Variants in IRGC observed in about 807,000 individuals in gnomAD.
IRGC encodes immunity related GTPase cinema.
Under a neutral mutation model 16.1 loss-of-function variants are expected in IRGC, and 4 were observed. The ratio of observed to expected loss-of-function variants is 0.25; its 90% CI spans 0.12 to 0.57. The LOEUF is 0.57. Among genes scored for constraint, IRGC ranks in the 20% least tolerant of loss-of-function variants. The probability of loss-of-function intolerance (pLI) is 0.92; values close to 1 mark genes in which losing one functional copy is unlikely to be tolerated. For missense variants in IRGC, 570 were observed against 643.9 expected (o/e 0.89, Z 1.24); for synonymous variants, 307 against 299.5 (o/e 1.03, Z -0.26).
Position 43,718,971 on chromosome 19 carries a change from T to C in IRGC, c.413T>C (p.Leu138Pro). The change falls in exon 2 of 2, where the codon CTG becomes CCG. Residue 138 changes from leucine to proline, a missense_variant. Physicochemically the swap from Leu to Pro is moderately conservative, Grantham distance 98 (BLOSUM62 -3). Transcript: ENST00000244314. ...QVDFSRYDFF[L>P]LVSPRRCGAV... ...GACTTCAGCCGCTATGACTTCTTCC[T>C]GCTGGTCTCCCCCCGCCGCTGCGGG... 1 of 1,610,268 alleles carries C rather than the reference T, an allele frequency of 6.2e-7. No individual in the cohort carries two copies. The highest frequency in any genetic ancestry group is 1.1e-5 in the South Asian group (1 of 90,806).
Position 43,719,208 on chromosome 19 carries a change from A to T in IRGC, c.650A>T (p.Asn217Ile). 1 of 1,608,268 alleles carries T rather than the reference A, an allele frequency of 6.2e-7. No individual in the cohort carries two copies. Among genetic ancestry groups the T allele is most frequent in the Non-Finnish European group, 8.5e-7 (1 of 1,179,562 alleles). The change falls in exon 2 of 2, where the codon AAC becomes ATC. Residue 217 changes from asparagine (N) to isoleucine (I), a missense_variant. Coordinates refer to ENST00000244314, the MANE Select transcript of IRGC (RefSeq NM_019612.4). ...VADPRIFLVS[N>I]LSPARYDFPT... ...GACCCTCGCATCTTCCTGGTGTCCA[A>T]CCTCTCGCCGGCCCGCTACGACTTT...
chr19:43,718,640 C>T lies in IRGC; in HGVS notation c.82C>T (p.Arg28Cys), dbSNP rs143101786. The T allele has an allele frequency of 1.8e-4, 285 of 1,613,392 alleles. No individual in the cohort carries two copies. The highest frequency in any genetic ancestry group is 2.3e-4 in the Non-Finnish European group (271 of 1,179,946). ...GGCCAAGGAAAGGCTGGAGGCCCTG[C>T]GCACAGCCTTTGAGTCGGGTGACCT... The part of the protein sequence containing the change: ...LMAKERLEAL[R>C]TAFESGDLPQ... Residue 28 changes from arginine to cysteine, a missense_variant, in exon 2 of 2, where the codon CGC (arginine) becomes TGC (cysteine). Physicochemically the swap from Arg to Cys is radical, Grantham distance 180. Transcript: ENST00000244314.
chr19:43,718,526 T>A lies in IRGC; in HGVS notation c.-33T>A, dbSNP rs747629083. On this transcript the variant is annotated 5_prime_UTR_variant, in exon 2 of 2. Transcript: ENST00000244314. Reference sequence around the variant, plus strand: ...GATCACGCATCCTGTGACTCTCCCCTGTCCCCCGCCACCCTCTGAACCACT... The same window carrying A: ...GATCACGCATCCTGTGACTCTCCCCAGTCCCCCGCCACCCTCTGAACCACT... 1 of 1,534,678 alleles carries A rather than the reference T, an allele frequency of 6.5e-7. No individual in the cohort carries two copies. Among genetic ancestry groups the A allele is most frequent in the Non-Finnish European group, 8.8e-7 (1 of 1,140,884 alleles).
rs761093481 is a variant in IRGC at position 43,718,818 on chromosome 19, C to G, written c.260C>G (p.Thr87Arg). 69 of 1,612,874 alleles carry G rather than the reference C, an allele frequency of 4.3e-5. No homozygotes were observed. Among genetic ancestry groups the G allele is most frequent in the Non-Finnish European group, 5.6e-5 (66 of 1,179,976 alleles). Residue 87 changes from threonine (T) to arginine (R), a missense_variant, in exon 2 of 2, where the codon ACG becomes AGG. By Grantham distance (71) the Thr-to-Arg change is moderately conservative. Transcript: ENST00000244314. ...GCCGAGGACCCTGGCGCGGCTCTCA[C>G]GGGCGTCATGGAGACCACGATGCAA... ...LEAEDPGAALTGVMETTMQPS... is the reference protein window; with the variant it reads ...LEAEDPGAALRGVMETTMQPS...
rs1042019154 is a variant in IRGC at position 43,719,667 on chromosome 19, C to T, written c.1109C>T (p.Thr370Met). Residue 370 changes from threonine to methionine, a missense_variant, in exon 2 of 2, where the codon ACG becomes ATG. Thr to Met is a moderately conservative substitution (Grantham distance 81, BLOSUM62 -1). Coordinates refer to ENST00000244314, the MANE Select transcript of IRGC (RefSeq NM_019612.4). ...GAGAGGGGCATCCCTGTGTTTGGGACGCTGGTGGCTGGCGGCATCAGCTTT... is the reference window on the plus strand; with the variant it reads ...GAGAGGGGCATCCCTGTGTTTGGGATGCTGGTGGCTGGCGGCATCAGCTTT... ...AFERGIPVFG[T>M]LVAGGISFGA... 7.5e-6 allele frequency: 12 copies of T among 1,609,324 alleles called. No homozygotes were observed. The East Asian group carries it at 1.1e-4, about 15-fold the overall frequency.
At position 43,718,482 on chromosome 19, in the gene IRGC, C is replaced by T; in HGVS notation, c.-66-11C>T. ...CCCAGGAGGTGTGAATGGCTCCCTT[C>T]TCCTCTGCAGGCGCTGAGGATCACG... On this transcript the variant is annotated splice_polypyrimidine_tract_variant and intron_variant, in intron 1 of 1. Transcript: ENST00000244314. 1 of 1,504,476 alleles carries T rather than the reference C, an allele frequency of 6.6e-7. No homozygotes were observed. Among genetic ancestry groups the T allele is most frequent in the Non-Finnish European group, 8.8e-7 (1 of 1,130,794 alleles). The allele number at this position is 1,504,476 out of a possible 1,614,324, so 93.2% of individuals were successfully genotyped here.
At position 43,718,903 on chromosome 19, in the gene IRGC, C is replaced by A. The variant is rs749293190; in HGVS notation, c.345C>A (p.Ala115=). 6.2e-7 allele frequency: 1 copy of A among 1,613,194 alleles called. No individual in the cohort carries two copies. The highest frequency in any genetic ancestry group is 1.7e-5 in the Admixed American group (1 of 59,996). The change falls in exon 2 of 2, where the codon GCC becomes GCA. Residue 115 remains alanine (A), a synonymous_variant. Transcript: ENST00000244314. Reference sequence around the variant, plus strand: ...TGACCCTCTGGGACCTGCCAGGAGCCGGCTCTCCAGGCTGCCCGGCTGACA... The same window carrying A: ...TGACCCTCTGGGACCTGCCAGGAGCAGGCTCTCCAGGCTGCCCGGCTGACA... ...PDVTLWDLPG[A]GSPGCPADKY...
intron 1 of IRGC, among the ~76,000 whole-genome samples, chr19:43,717,394 C>G (rs79929920): frequency 2.6e-5 from 4 of 152,198 alleles, no homozygotes; most frequent in Non-Finnish European, 5.9e-5. Flanking sequence ...GGCACCTGCC[C>G]TGAGCCAGGC....
chr19:43,719,496 C>A lies in IRGC; in HGVS notation c.938C>A (p.Ala313Asp). Residue 313 changes from alanine to aspartate, a missense_variant, in exon 2 of 2, where the codon GCC (alanine) becomes GAC (aspartate). By Grantham distance (126) the Ala-to-Asp change is moderately radical (BLOSUM62 -2). Transcript: ENST00000244314. Reference protein sequence around the residue: ...RSFGLDDDSLAKLAEQVGKQA... With the variant: ...RSFGLDDDSLDKLAEQVGKQA... ...TTTGGTCTGGACGACGACTCGCTGG[C>A]CAAGCTGGCCGAGCAGGTGGGCAAA... The A allele has an allele frequency of 6.2e-7, 1 of 1,603,970 alleles. No homozygotes were observed. Among genetic ancestry groups the A allele is most frequent in the Non-Finnish European group, 8.5e-7 (1 of 1,178,946 alleles).
At position 43,718,746 on chromosome 19, in the gene IRGC, C is replaced by T. The variant is rs758100553; in HGVS notation, c.188C>T (p.Ser63Leu). ...CTGGAGGTGGGCGTCACGGGCGAGTCGGGCGCGGGCAAGTCCTCCCTCATC... is the reference window on the plus strand; with the variant it reads ...CTGGAGGTGGGCGTCACGGGCGAGTTGGGCGCGGGCAAGTCCTCCCTCATC... ...IRLEVGVTGE[S>L]GAGKSSLINA... is the part of the protein sequence containing the mutation. Residue 63 changes from serine (S) to leucine (L), a missense_variant, in exon 2 of 2, where the codon TCG becomes TTG. By Grantham distance (145) the Ser-to-Leu change is moderately radical. Coordinates refer to ENST00000244314, the MANE Select transcript of IRGC (RefSeq NM_019612.4). 29 of 1,612,596 alleles carry T rather than the reference C, an allele frequency of 1.8e-5. No individual in the cohort carries two copies. The highest frequency in any genetic ancestry group is 1.1e-4 in the African/African-American group (8 of 74,926).
At position 43,719,353 on chromosome 19, in the gene IRGC, G is replaced by A. The variant is rs767536356; in HGVS notation, c.795G>A (p.Glu265=). 4 of 1,612,446 alleles carry A rather than the reference G, an allele frequency of 2.5e-6. No individual in the cohort carries two copies. The Admixed American group carries it at 5.0e-5, about 20-fold the overall frequency. Residue 265 remains glutamate, a synonymous_variant, in exon 2 of 2, where the codon GAG becomes GAA. Transcript: ENST00000244314. The stretch of plus-strand genomic sequence containing the variant: ...AGAAGAAGAAGGCCATGCTTCAAGA[G>A]CAAGTCCTCAAGACCGCCCTGGTGT... ...ALQKKKAMLQ[E]QVLKTALVLG...
chr19:43,718,511 C>T lies in IRGC; in HGVS notation c.-48C>T. On this transcript the variant is annotated 5_prime_UTR_variant, in exon 2 of 2. Coordinates refer to ENST00000244314, the MANE Select transcript of IRGC (RefSeq NM_019612.4). ...TCTGCAGGCGCTGAGGATCACGCAT[C>T]CTGTGACTCTCCCCTGTCCCCCGCC... 6.6e-7 allele frequency: 1 copy of T among 1,522,588 alleles called. No individual in the cohort carries two copies. The highest frequency in any genetic ancestry group is 8.8e-7 in the Non-Finnish European group (1 of 1,136,662). 94.3% of individuals were successfully genotyped at this position (1,522,588 alleles called of 1,614,324 possible).
Position 43,718,663 on chromosome 19 carries a change from C to T in IRGC, c.105C>T (p.Asp35=). ...EALRTAFESG[D]LPQAASHLQE... The stretch of plus-strand genomic sequence containing the variant: ...TGCGCACAGCCTTTGAGTCGGGTGA[C>T]CTCCCCCAGGCCGCCTCTCACCTCC... Residue 35 remains aspartate, a synonymous_variant, in exon 2 of 2, where the codon GAC becomes GAT. Coordinates refer to ENST00000244314, the MANE Select transcript of IRGC (RefSeq NM_019612.4). The T allele has an allele frequency of 6.2e-7, 1 of 1,613,578 alleles. No individual in the cohort carries two copies. Among genetic ancestry groups the T allele is most frequent in the Non-Finnish European group, 8.5e-7 (1 of 1,180,018 alleles).
At position 43,719,744 on chromosome 19, in the gene IRGC, G is replaced by C; in HGVS notation, c.1186G>C (p.Ala396Pro). The C allele has an allele frequency of 6.2e-7, 1 of 1,613,510 alleles. No homozygotes were observed. Among genetic ancestry groups the C allele is most frequent in the Non-Finnish European group, 8.5e-7 (1 of 1,179,832 alleles). ...QGCLNEMAEDAQRVRIKALED... is the reference protein window; with the variant it reads ...QGCLNEMAEDPQRVRIKALED... ...CTGCCTCAACGAGATGGCTGAGGAC[G>C]CCCAGCGTGTCCGCATCAAGGCCCT... The change falls in exon 2 of 2, where the codon GCC (alanine) becomes CCC (proline). Residue 396 changes from alanine (A) to proline (P), a missense_variant. By Grantham distance (27) the Ala-to-Pro change is conservative. Coordinates refer to ENST00000244314, the MANE Select transcript of IRGC (RefSeq NM_019612.4).
rs1414198479 is a variant in IRGC at position 43,719,940 on chromosome 19, A to T, written c.1382A>T (p.Glu461Val). The T allele has an allele frequency of 6.2e-7, 1 of 1,612,974 alleles. No individual in the cohort carries two copies. Among genetic ancestry groups the T allele is most frequent in the Admixed American group, 1.7e-5 (1 of 60,000 alleles). Residue 461 changes from glutamate (E) to valine (V), a missense_variant, in exon 2 of 2, where the codon GAA becomes GTA. Transcript: ENST00000244314. ...ILDSWKKHDS[E>V]EK ...GACAGCTGGAAGAAACACGACTCAG[A>T]AGAGAAATAAAGAGTGCAGCCCCGC... is the stretch of plus-strand genomic sequence containing the variant.
chr19:43,718,979 T>TC lies in IRGC; in HGVS notation c.427dup (p.Arg143ProfsTer13). On this transcript the variant is annotated frameshift_variant, in exon 2 of 2. Transcript: ENST00000244314. LOFTEE classifies it high-confidence loss of function. Reference sequence around the variant, plus strand: ...CCGCTATGACTTCTTCCTGCTGGTCTCCCCCCGCCGCTGCGGGGCCGTCGA... The same window carrying TC: ...CCGCTATGACTTCTTCCTGCTGGTCTCCCCCCCGCCGCTGCGGGGCCGTCGA... 1 of 1,599,576 alleles carries TC rather than the reference T, an allele frequency of 6.3e-7. No homozygotes were observed. The highest frequency in any genetic ancestry group is 1.1e-5 in the South Asian group (1 of 89,722).
chr19:43,717,594 C>G (rs1458164043), intron 1 of IRGC, among the ~76,000 whole-genome samples: 4 of 152,162 alleles, frequency 2.6e-5, no homozygotes, highest in African/African-American at 9.7e-5. Flanking sequence ...CAGTCTGGCT[C>G]CGGGTCTGGG....
chr19:43,717,895 C>G (rs190882133), intron 1 of IRGC, among the ~76,000 whole-genome samples: 19 of 152,236 alleles, frequency 1.2e-4, no homozygotes, highest in African/African-American at 4.1e-4. Flanking sequence ...TAGTGAGACT[C>G]CCATCTCTAC....
rs746558250 is a variant in IRGC, at chr19:43,719,122, C to T, written c.564C>T (p.Ala188=). 111 of 1,610,322 alleles carry T rather than the reference C, an allele frequency of 6.9e-5. No homozygotes were observed. The highest frequency in any genetic ancestry group is 8.7e-5 in the Non-Finnish European group (103 of 1,178,788). The part of the protein sequence containing the change: ...RTQRPSGFRE[A]AVLQEIRDHC... ...AGCGGCCGTCGGGCTTCAGAGAGGC[C>T]GCTGTCCTGCAGGAGATCCGAGACC... The change falls in exon 2 of 2, where the codon GCC becomes GCT. Residue 188 remains alanine (A), a synonymous_variant. Coordinates refer to ENST00000244314, the MANE Select transcript of IRGC (RefSeq NM_019612.4).
Sources: gnomAD v4.1 joint callset for allele counts (sites outside exome capture counted in the v4.1 genomes callset) on GRCh38, gnomAD v4.1.1 for gene constraint, MANE v1.5 for transcripts, NCBI Gene and HGNC (gene_info 2026-07-23, HGNC 2026-07-21) for gene names.